LRRK1: variants seen among roughly 807,000 people sequenced by gnomAD.
The protein encoded by LRRK1 is leucine rich repeat kinase 1, also known as leucine-rich repeat serine/threonine-protein kinase 1.
A neutral mutation model predicts 209.1 loss-of-function variants in LRRK1; 113 were observed. The observed-to-expected ratio is 0.54, with a 90% CI of 0.46 to 0.63. The LOEUF (loss-of-function observed/expected upper bound fraction) is 0.63. LRRK1 is among the 30% of genes least tolerant of loss of function. The pLI is 0.00. For missense variants in LRRK1, 2,284 were observed against 2,632.2 expected (o/e 0.87, Z 2.89); for synonymous variants, 1,144 against 1,099.7 (o/e 1.04, Z -0.80).
At chr15:101,046,431 T>A (rs2035079603) in intron 21 of LRRK1, among the ~76,000 whole-genome samples, 1 of 152,166 alleles carries the variant, frequency 6.6e-6, no homozygotes, top group African/African-American at 2.4e-5. Context: ...CACCTGGAGT[T>A]TGTTAGAACA....
At chr15:100,922,820 C>T (rs1202376386) in intron 1 of LRRK1, among the ~76,000 whole-genome samples, 5 of 129,938 alleles carry the variant, frequency 3.8e-5, no homozygotes. Flanking sequence ...TGGTTTGTGT[C>T]GACCATCCCT....
intron 1 of LRRK1, among the ~76,000 whole-genome samples, chr15:100,921,304 G>T (rs956800821): frequency 2.0e-5 from 3 of 152,106 alleles, no homozygotes; most frequent in Admixed American, 6.5e-5. Flanking sequence ...CCCTTTTTGG[G>T]CTCATCTGGG....
intron 3 of LRRK1, among the ~76,000 whole-genome samples, chr15:100,979,276 C>A (rs894478671): frequency 6.6e-6 from 1 of 152,140 alleles, no homozygotes; most frequent in Non-Finnish European, 1.5e-5. Context: ...CTACAACTAA[C>A]ATCATTCTTG....
intron 20 of LRRK1, among the ~76,000 whole-genome samples, chr15:101,029,516 A>T (rs2034190455): frequency 6.9e-6 from 1 of 144,946 alleles, no homozygotes; most frequent in South Asian, 2.1e-4. Flanking sequence ...GGATGTCATT[A>T]AAAATAATTT....
At chr15:101,062,739 G>T in intron 31 of LRRK1, 49 bp downstream of exon 31, 1 of 1,340,310 alleles carries the variant, frequency 7.5e-7, no homozygotes. Flanking sequence ...GCACTTCCAC[G>T]CCTAGGAGGC....
intron 20 of LRRK1, among the ~76,000 whole-genome samples, chr15:101,045,097 G>T (rs754643563): frequency 6.6e-6 from 1 of 152,154 alleles, no homozygotes; most frequent in East Asian, 1.9e-4. Flanking sequence ...GTCAGAGCGT[G>T]TAAGTGAGAG....
chr15:100,963,051 G>A (rs1052777594), intron 2 of LRRK1, among the ~76,000 whole-genome samples: 5 of 150,968 alleles, frequency 3.3e-5, no homozygotes, highest in Non-Finnish European at 5.9e-5. Context: ...TTGAACTCCC[G>A]ACCTCAGGTA....
At chr15:100,994,292 A>G (rs532182126) in intron 6 of LRRK1, among the ~76,000 whole-genome samples, 4 of 152,352 alleles carry the variant, frequency 2.6e-5, no homozygotes, top group East Asian at 3.9e-4. Flanking sequence ...TTTCACATAG[A>G]CGAATGATTC....
In LRRK1 at chr15:101,068,883, C is replaced by A; in HGVS notation, c.*35C>A. 1 of 1,549,392 alleles carries A rather than the reference C, an allele frequency of 6.5e-7. No homozygotes were observed. Among genetic ancestry groups the A allele is most frequent in the Non-Finnish European group, 8.7e-7 (1 of 1,144,384 alleles). The stretch of plus-strand genomic sequence containing the variant: ...AATGACTGTCACACATCAGAGCTGG[C>A]TGGCCCGGGGCTGCAGCCTGACCCC... On this transcript the variant is annotated 3_prime_UTR_variant, in exon 34 of 34. Coordinates refer to ENST00000388948, the MANE Select transcript of LRRK1 (RefSeq NM_024652.6).
chr15:101,031,898 C>T (rs962058290), intron 20 of LRRK1, among the ~76,000 whole-genome samples: 1 of 152,152 alleles, frequency 6.6e-6, no homozygotes, highest in Non-Finnish European at 1.5e-5. Context: ...CCGCGCCTGG[C>T]TAATTTTTTG....
chr15:101,055,799 G>A (rs2035761070), intron 27 of LRRK1, among the ~76,000 whole-genome samples: 1 of 152,192 alleles, frequency 6.6e-6, no homozygotes, highest in Admixed American at 6.5e-5. Context: ...GGTAGATGCA[G>A]GCACACACAC....
At chr15:101,042,913 C>T (rs1197282600) in intron 20 of LRRK1, among the ~76,000 whole-genome samples, 1 of 152,210 alleles carries the variant, frequency 6.6e-6, no homozygotes, top group African/African-American at 2.4e-5. Context: ...TGAACGCCTC[C>T]CCTCGGGGTG....
chr15:100,976,782 T>C (rs1009006100), intron 3 of LRRK1, among the ~76,000 whole-genome samples: 1 of 152,244 alleles, frequency 6.6e-6, no homozygotes, highest in Non-Finnish European at 1.5e-5. Flanking sequence ...ACTGCCTAAC[T>C]GTTCCATCCA....
In LRRK1 at chr15:101,071,835, G is replaced by A. The variant is rs1264114736; in HGVS notation, c.*2987G>A. The A allele has an allele frequency of 6.6e-6, 1 of 152,284 alleles. No individual in the cohort carries two copies. Among genetic ancestry groups the A allele is most frequent in the Non-Finnish European group, 1.5e-5 (1 of 68,066 alleles). The allele number at this position is 152,284 out of a possible 1,614,324, so 9.4% of individuals were successfully genotyped here. A position where few individuals can be genotyped will look rare whatever the true frequency, so the allele number is the denominator to read the frequency against. On this transcript the variant is annotated 3_prime_UTR_variant, in exon 34 of 34. Coordinates refer to ENST00000388948, the MANE Select transcript of LRRK1 (RefSeq NM_024652.6). ...GTTACATTTGACTGAGGCTGGCGAGGCCTGCAGCCTGCACCAGGAGGTACA... is the reference window on the plus strand; with the variant it reads ...GTTACATTTGACTGAGGCTGGCGAGACCTGCAGCCTGCACCAGGAGGTACA...
chr15:100,980,496 G>A (rs777442893), intron 3 of LRRK1, among the ~76,000 whole-genome samples: 4 of 152,106 alleles, frequency 2.6e-5, no homozygotes, highest in African/African-American at 4.8e-5. Context: ...GAACAGGTTC[G>A]TATCTTGATT....
rs371796623 is a variant in LRRK1, at chr15:100,983,674, G to A, written c.408G>A (p.Val136=). The change falls in exon 4 of 34, where the codon GTG becomes GTA. Residue 136 remains valine (V), a synonymous_variant. Transcript: ENST00000388948. Reference sequence around the variant, plus strand: ...CGTATTTTGGACACACGGCAGTTGTGCAGGAATTGCTTGAGTCCTTACCAG... The same window carrying A: ...CGTATTTTGGACACACGGCAGTTGTACAGGAATTGCTTGAGTCCTTACCAG... ...VAAYFGHTAV[V]QELLESLPGP... is the part of the protein sequence containing the mutation. 2.2e-5 allele frequency: 36 copies of A among 1,609,000 alleles called. No homozygotes were observed. The African/African-American group carries it at 4.4e-4, about 20-fold the overall frequency.
intron 2 of LRRK1, among the ~76,000 whole-genome samples, chr15:100,956,084 G>A (rs1321504683): frequency 6.6e-6 from 1 of 152,068 alleles, no homozygotes; most frequent in Non-Finnish European, 1.5e-5. Context: ...TTAAACGTTT[G>A]GTAGAATTCA....
chr15:101,052,876 G>C, intron 24 of LRRK1, 46 bp from the exon 25 acceptor site: 2 of 1,582,368 alleles, frequency 1.3e-6, no homozygotes, highest in Non-Finnish European at 1.7e-6. Flanking sequence ...GGACCCACCC[G>C]CATCAGGGCG....
chr15:100,956,819 A>G (rs914668395), intron 2 of LRRK1, among the ~76,000 whole-genome samples: 2 of 151,456 alleles, frequency 1.3e-5, no homozygotes, highest in African/African-American at 4.9e-5. Flanking sequence ...TCTAATACTT[A>G]TTTTCTTTCT....
Sources: allele counts gnomAD v4.1 joint callset (sites outside exome capture counted in the v4.1 genomes callset), GRCh38; gene constraint gnomAD v4.1.1; transcripts MANE v1.5; gene names NCBI Gene and HGNC (gene_info 2026-07-23, HGNC 2026-07-21).